Variants in BAZ2B observed in about 807,000 individuals in gnomAD.
The protein encoded by BAZ2B is bromodomain adjacent to zinc finger domain protein 2B.
In BAZ2B, 91 loss-of-function variants were observed where a neutral mutation model predicts 246.0. The ratio of observed to expected loss-of-function variants is 0.37; its 90% CI spans 0.31 to 0.44. BAZ2B has a LOEUF of 0.44. Ranked by LOEUF, BAZ2B falls within the 20% of genes least tolerant of loss-of-function variation. BAZ2B has a pLI of 1.00. For missense variants in BAZ2B, 2,332 were observed against 2,533.7 expected (o/e 0.92, Z 1.71); for synonymous variants, 855 against 860.0 (o/e 0.99, Z 0.10).
rs1209767618 is a variant in BAZ2B, at chr2:159,325,077, TTATA to T, written c.6210-127_6210-124del. 1.2e-3 allele frequency: 3 copies of T among 2,444 alleles called. 1 individual carries two copies. Among genetic ancestry groups the T allele is most frequent in the African/African-American group, 2.3e-3 (3 of 1,304 alleles). The allele number at this position is 2,444 out of a possible 1,614,324, so 0.2% of individuals were successfully genotyped here. A position where few individuals can be genotyped will look rare whatever the true frequency, so the allele number is the denominator to read the frequency against. ...TATATATATTATATATATATATATA[TTATA>T]TATATATATATTATATATATATATA... On this transcript the variant is annotated intron_variant, in intron 35 of 36. Transcript: ENST00000392783.
chr2:159,553,380 G>A (rs62171570), intron 2 of BAZ2B, among the ~76,000 whole-genome samples: 6,030 of 118,684 alleles, frequency 0.051, 249 homozygotes, highest in African/African-American at 0.12. Flanking sequence ...GGGCAAGAGT[G>A]AGACTCTGTC....
intron 19 of BAZ2B, among the ~76,000 whole-genome samples, chr2:159,396,844 A>G (rs1212843329): frequency 6.6e-6 from 1 of 152,150 alleles, no homozygotes; most frequent in Non-Finnish European, 1.5e-5. Flanking sequence ...GTAAATTTTT[A>G]GAGAGCAGCC....
rs917441299 is a variant in BAZ2B, at chr2:159,347,393, T to C, written c.5454+93A>G. ...AATTAAATGAGACAAAATAAAAACA[T>C]TTAGCACATTAACTAGCATATATTA... is the stretch of plus-strand genomic sequence containing the variant. On this transcript the variant is annotated intron_variant, in intron 31 of 36. Transcript: ENST00000392783. 7 of 1,352,528 alleles carry C rather than the reference T, an allele frequency of 5.2e-6. No homozygotes were observed. In the African/African-American group the frequency reaches 5.8e-5, roughly 11 times the overall value. 83.8% of individuals were successfully genotyped at this position (1,352,528 alleles called of 1,614,324 possible). A position where few individuals can be genotyped will look rare whatever the true frequency, so the allele number is the denominator to read the frequency against.
At chr2:159,679,956 T>C in the BAZ2B span, among the ~76,000 whole-genome samples, 3 of 152,236 alleles carry the variant, frequency 2.0e-5, no homozygotes, top group South Asian at 6.2e-4. Flanking sequence ...GGGGCTCCCA[T>C]TGCGATGAAT....
chr2:159,487,268 C>T (rs1318360695), intron 2 of BAZ2B, among the ~76,000 whole-genome samples: 1 of 152,178 alleles, frequency 6.6e-6, no homozygotes, highest in African/African-American at 2.4e-5. Context: ...AATAGAGGCT[C>T]TAGCTCTGGC....
chr2:159,417,456 C>G (rs1334957475), intron 13 of BAZ2B, among the ~76,000 whole-genome samples: 1 of 152,096 alleles, frequency 6.6e-6, no homozygotes. Flanking sequence ...CATGCGTGCG[C>G]CACCAAGCCT....
At chr2:159,491,720 C>CAAAA (rs773067675) in intron 2 of BAZ2B, among the ~76,000 whole-genome samples, 2 of 29,558 alleles carry the variant, frequency 6.8e-5, no homozygotes, top group Non-Finnish European at 1.0e-4. Flanking sequence ...GACTCCGTCT[C>CAAAA]AAAAAAAAAA....
intron 26 of BAZ2B, among the ~76,000 whole-genome samples, chr2:159,374,336 T>A (rs1007190376): frequency 3.3e-5 from 5 of 152,198 alleles, no homozygotes; most frequent in African/African-American, 1.2e-4. Flanking sequence ...TTCAACTGAA[T>A]TTTTTAGTAA....
intron 1 of BAZ2B, among the ~76,000 whole-genome samples, chr2:159,581,702 G>T (rs948510558): frequency 6.6e-6 from 1 of 152,074 alleles, no homozygotes; most frequent in Non-Finnish European, 1.5e-5. Context: ...ACTGGATAAA[G>T]AAAATGTGGC....
At position 159,448,042 on chromosome 2, in the gene BAZ2B, T is replaced by C. The variant is rs1437511092; in HGVS notation, c.502+200A>G. Among the ~76,000 whole-genome samples the C allele has an allele frequency of 2.0e-5, 3 of 152,102 alleles. No individual in the cohort carries two copies. In the South Asian group the frequency reaches 6.2e-4, roughly 32 times the overall value. Reference sequence around the variant, plus strand: ...GGGAGGCTGAGGCAGGAGGATTGCTTGAGCCCAGGAGGACGAGGCTACAGT... The same window carrying C: ...GGGAGGCTGAGGCAGGAGGATTGCTCGAGCCCAGGAGGACGAGGCTACAGT... On this transcript the variant is annotated intron_variant, in intron 5 of 36. Coordinates refer to ENST00000392783, the MANE Select transcript of BAZ2B (RefSeq NM_013450.4).
intron 8 of BAZ2B, chr2:159,433,985 A>G (rs935637111): frequency 6.6e-6 from 1 of 152,368 alleles, no homozygotes; most frequent in Non-Finnish European, 1.5e-5. Context: ...ATAACCTATC[A>G]ACACAGTAAA....
At chr2:159,430,487 G>T (rs897223070) in intron 10 of BAZ2B, among the ~76,000 whole-genome samples, 1 of 152,232 alleles carries the variant, frequency 6.6e-6, no homozygotes, top group African/African-American at 2.4e-5. Context: ...GGAGCCAAAA[G>T]TTAGATGTAG....
chr2:159,497,560 T>C (rs1352874368), intron 2 of BAZ2B, among the ~76,000 whole-genome samples: 2 of 152,212 alleles, frequency 1.3e-5, no homozygotes, highest in Non-Finnish European at 2.9e-5. Flanking sequence ...GTCAGTGGTC[T>C]CTAAAAGATT....
upstream of BAZ2B, among the ~76,000 whole-genome samples, chr2:159,617,374 G>A (rs566475240): frequency 2.6e-4 from 40 of 151,878 alleles, no homozygotes; most frequent in African/African-American, 9.7e-4. Context: ...AGATACAATA[G>A]GCCCCATTCC....
intron 17 of BAZ2B, among the ~76,000 whole-genome samples, chr2:159,399,957 A>G (rs1455595793): frequency 6.6e-6 from 1 of 152,232 alleles, no homozygotes; most frequent in Non-Finnish European, 1.5e-5. Flanking sequence ...GCACAGCTCC[A>G]AAGAGTAATG....
intron 2 of BAZ2B, among the ~76,000 whole-genome samples, chr2:159,529,271 G>A (rs1488253161): frequency 6.6e-6 from 1 of 151,222 alleles, no homozygotes; most frequent in Non-Finnish European, 1.5e-5. Flanking sequence ...CCACTGGTTT[G>A]GCAACAATGT....
chr2:159,478,125 A>G (rs928273914), intron 3 of BAZ2B, among the ~76,000 whole-genome samples: 1 of 152,158 alleles, frequency 6.6e-6, no homozygotes. Context: ...TGTTTAAGAA[A>G]CTTGTTATGC....
At chr2:159,624,800 A>G in the BAZ2B span, among the ~76,000 whole-genome samples, 2 of 152,194 alleles carry the variant, frequency 1.3e-5, no homozygotes, top group Non-Finnish European at 2.9e-5. Flanking sequence ...ACTCCTCACC[A>G]GCAAGGGAAC....
At chr2:159,328,070 GAAAAAA>G (rs1306873341) in intron 34 of BAZ2B, among the ~76,000 whole-genome samples, 1 of 49,530 alleles carries the variant, frequency 2.0e-5, no homozygotes, top group Non-Finnish European at 4.4e-5. Flanking sequence ...GCCTCAAAAC[GAAAAAA>G]AAAAAAAAAA....
Sources: allele counts gnomAD v4.1 joint callset (sites outside exome capture counted in the v4.1 genomes callset), GRCh38; gene constraint gnomAD v4.1.1; transcripts MANE v1.5; gene names NCBI Gene and HGNC (gene_info 2026-07-23, HGNC 2026-07-21).